ENTPD1: variants seen among roughly 807,000 people sequenced by gnomAD.
ENTPD1 encodes the protein ectonucleoside triphosphate diphosphohydrolase 1, also known as ATP diphosphohydrolase.
In ENTPD1, 33 loss-of-function variants were observed where a neutral mutation model predicts 57.0. The ratio of observed to expected loss-of-function variants is 0.58; its 90% confidence interval spans 0.44 to 0.77. The LOEUF is 0.77. Ranked by LOEUF, ENTPD1 falls within the 30% of genes least tolerant of loss-of-function variation. The pLI, the probability that ENTPD1 is intolerant of heterozygous loss-of-function variation, is 0.00. For synonymous variants in ENTPD1, 202 were observed against 218.8 expected (o/e 0.92, Z 0.68); for missense variants, 501 against 603.4 (o/e 0.83, Z 1.78).
At chr10:95,721,569 G>A (rs1039886772) in intron 1 of ENTPD1, among the ~76,000 whole-genome samples, 1 of 151,984 alleles carries the variant, frequency 6.6e-6, no homozygotes, top group Admixed American at 6.6e-5. Context: ...ATTTACCTAG[G>A]TCTATTTTAA....
rs988756104 is a variant in ENTPD1 at position 95,871,502 on chromosome 10, C to T, written c.*5119C>T. The T allele has an allele frequency of 7.0e-5, 69 of 985,204 alleles. 1 individual carries two copies. Among genetic ancestry groups the T allele is most frequent in the Non-Finnish European group, 7.8e-5 (65 of 829,904 alleles). The allele number at this position is 985,204 out of a possible 1,614,324, so 61.0% of individuals were successfully genotyped here. A position where few individuals can be genotyped will look rare whatever the true frequency, so the allele number is the denominator to read the frequency against. ...TTAGGACAATGTATAGCTAATTACCCAACTTTTTATTTGCATACAAATCTA... is the reference window on the plus strand; with the variant it reads ...TTAGGACAATGTATAGCTAATTACCTAACTTTTTATTTGCATACAAATCTA... On this transcript the variant is annotated 3_prime_UTR_variant, in exon 10 of 10. Transcript: ENST00000371205.
chr10:95,827,479 T>G (rs1461034009), intron 2 of ENTPD1, among the ~76,000 whole-genome samples: 1 of 151,644 alleles, frequency 6.6e-6, no homozygotes, highest in African/African-American at 2.4e-5. Context: ...TTCGTTTTTG[T>G]TTTGTTTTGT....
chr10:95,829,424 G>A (rs1364497110), intron 2 of ENTPD1, among the ~76,000 whole-genome samples: 3 of 152,244 alleles, frequency 2.0e-5, no homozygotes, highest in African/African-American at 7.2e-5. Flanking sequence ...ACGTGTGTCA[G>A]AGGGGTCATG....
chr10:95,726,866 A>G (rs2097984190), intron 1 of ENTPD1, among the ~76,000 whole-genome samples: 1 of 152,130 alleles, frequency 6.6e-6, no homozygotes, highest in Admixed American at 6.5e-5. Context: ...TGCCCACCAG[A>G]AGTGATGCTT....
intron 1 of ENTPD1, among the ~76,000 whole-genome samples, chr10:95,820,402 G>C (rs548811700): frequency 6.6e-6 from 1 of 152,076 alleles, no homozygotes; most frequent in Non-Finnish European, 1.5e-5. Flanking sequence ...CATATATTCT[G>C]GTAACCTGGA....
At position 95,844,887 on chromosome 10, in the gene ENTPD1, A is replaced by G. The variant is rs1405236421; in HGVS notation, c.573+252A>G. ...TAGGGAGGCATAAAGGAAATTAAAA[A>G]TTTATCATTAAAAATTAGAATAGCT... On this transcript the variant is annotated intron_variant, in intron 5 of 9. Transcript: ENST00000371205. The G allele has an allele frequency of 5.3e-6, 3 of 563,394 alleles. No homozygotes were observed. In the African/African-American group the frequency reaches 5.7e-5, roughly 11 times the overall value. 34.9% of individuals were successfully genotyped at this position (563,394 alleles called of 1,614,324 possible). A position where few individuals can be genotyped will look rare whatever the true frequency, so the allele number is the denominator to read the frequency against.
At position 95,869,503 on chromosome 10, in the gene ENTPD1, G is replaced by A; in HGVS notation, c.*3120G>A. Reference sequence around the variant, plus strand: ...AATCTCAGGTGATCCTATTGCCTCGGGCTCCCAAAGTGCTGGGATTACAGG... The same window carrying A: ...AATCTCAGGTGATCCTATTGCCTCGAGCTCCCAAAGTGCTGGGATTACAGG... On this transcript the variant is annotated 3_prime_UTR_variant, in exon 10 of 10. Transcript: ENST00000371205. 1 of 964,030 alleles carries A rather than the reference G, an allele frequency of 1.0e-6. No individual in the cohort carries two copies. Among genetic ancestry groups the A allele is most frequent in the Non-Finnish European group, 1.2e-6 (1 of 810,902 alleles). The allele number at this position is 964,030 out of a possible 1,614,324, so 59.7% of individuals were successfully genotyped here. A position where few individuals can be genotyped will look rare whatever the true frequency, so the allele number is the denominator to read the frequency against.
chr10:95,868,450 G>C lies in ENTPD1; in HGVS notation c.*2067G>C. 5.1e-6 allele frequency: 5 copies of C among 985,362 alleles called. No homozygotes were observed. The highest frequency in any genetic ancestry group is 6.0e-6 in the Non-Finnish European group (5 of 829,942). The allele number at this position is 985,362 out of a possible 1,614,324, so 61.0% of individuals were successfully genotyped here. ...CTAATCAGTGGTTCCCATACCCCTG[G>C]CTTCCTAATTTTAATGTTTGCTCAC... On this transcript the variant is annotated 3_prime_UTR_variant, in exon 10 of 10. Coordinates refer to ENST00000371205, the MANE Select transcript of ENTPD1 (RefSeq NM_001776.6).
In ENTPD1 at chr10:95,711,992, GGGT is replaced by G. The variant is rs1247192487; in HGVS notation, c.37_37+2del. The G allele has an allele frequency of 2.5e-6, 4 of 1,613,728 alleles. No homozygotes were observed. In the African/African-American group the frequency reaches 5.3e-5, roughly 22 times the overall value. ...CCAAGGACCTGACAAGCCAGCAGAAGGGTAAGAAATTCTTACCAGTCAGGCTCC... is the reference window on the plus strand; with the variant it reads ...CCAAGGACCTGACAAGCCAGCAGAAGAAGAAATTCTTACCAGTCAGGCTCC... On this transcript the variant is annotated splice_donor_variant and coding_sequence_variant, in exon 1 of 10. Transcript: ENST00000453258. LOFTEE classifies it high-confidence loss of function.
upstream of ENTPD1, among the ~76,000 whole-genome samples, chr10:95,750,751 G>A (rs1197132160): frequency 5.3e-5 from 8 of 152,298 alleles, no homozygotes; most frequent in East Asian, 1.9e-4. Context: ...GTGGCCAGGC[G>A]CGGTGGCTCA....
At chr10:95,865,008 T>G in intron 9 of ENTPD1, 147 bp downstream of exon 9, 1 of 1,010,992 alleles carries the variant, frequency 9.9e-7, no homozygotes, top group Non-Finnish European at 1.4e-6. Flanking sequence ...ACCCTGGCAT[T>G]CTGTGTCAAG....
At chr10:95,805,963 T>C (rs140961923) in intron 1 of ENTPD1, among the ~76,000 whole-genome samples, 1 of 152,302 alleles carries the variant, frequency 6.6e-6, no homozygotes, top group Non-Finnish European at 1.5e-5. Flanking sequence ...CTGACAATTA[T>C]GTATCTTGGG....
chr10:95,869,701 A>C lies in ENTPD1; in HGVS notation c.*3318A>C, dbSNP rs2098478404. The C allele has an allele frequency of 3.1e-6, 3 of 953,210 alleles. No homozygotes were observed. Among genetic ancestry groups the C allele is most frequent in the Non-Finnish European group, 3.7e-6 (3 of 800,712 alleles). 59.0% of individuals were successfully genotyped at this position (953,210 alleles called of 1,614,324 possible). ...ATTTTTTAAAATTACACTTCATTTT[A>C]ATGTTGTATCAGTCAAGGTCCCTGC... On this transcript the variant is annotated 3_prime_UTR_variant, in exon 10 of 10. Coordinates refer to ENST00000371205, the MANE Select transcript of ENTPD1 (RefSeq NM_001776.6).
rs768199875 is a variant in ENTPD1 at position 95,839,752 on chromosome 10, C to G, written c.206C>G (p.Ala69Gly). The G allele has an allele frequency of 6.2e-7, 1 of 1,613,908 alleles. No individual in the cohort carries two copies. The highest frequency in any genetic ancestry group is 1.7e-5 in the Admixed American group (1 of 59,994). Residue 69 changes from alanine to glycine, a missense_variant, in exon 3 of 10, where the codon GCA becomes GGA. Transcript: ENST00000371205. ...AGTTTATACATCTATAAGTGGCCAGCAGAAAAGGAGAATGACACAGGCGTG... is the reference window on the plus strand; with the variant it reads ...AGTTTATACATCTATAAGTGGCCAGGAGAAAAGGAGAATGACACAGGCGTG... ...HTSLYIYKWP[A>G]EKENDTGVVH... is the part of the protein sequence containing the mutation.
At chr10:95,849,684 C>T (rs2098441559) in intron 7 of ENTPD1, among the ~76,000 whole-genome samples, 1 of 152,216 alleles carries the variant, frequency 6.6e-6, no homozygotes, top group Non-Finnish European at 1.5e-5. Flanking sequence ...CCTCAAGGTT[C>T]CTGAGGGAAA....
intron 7 of ENTPD1, among the ~76,000 whole-genome samples, chr10:95,848,077 C>T (rs531970980): frequency 1.7e-4 from 26 of 152,296 alleles, no homozygotes; most frequent in African/African-American, 5.8e-4. Context: ...GGAAAACTGA[C>T]TAGGGGGTTG....
chr10:95,862,537 T>C (rs1362895505), intron 8 of ENTPD1, among the ~76,000 whole-genome samples: 1 of 152,182 alleles, frequency 6.6e-6, no homozygotes, highest in Non-Finnish European at 1.5e-5. Flanking sequence ...TTCCCCTGCT[T>C]TGGCAAGGGA....
At chr10:95,756,872 T>C (rs2098028283) in intron 1 of ENTPD1, among the ~76,000 whole-genome samples, 2 of 152,012 alleles carry the variant, frequency 1.3e-5, no homozygotes, top group Non-Finnish European at 2.9e-5. Context: ...AGGGAGGAAA[T>C]AGAATAATTC....
chr10:95,724,987 G>C (rs945229217), intron 1 of ENTPD1, among the ~76,000 whole-genome samples: 1 of 152,182 alleles, frequency 6.6e-6, no homozygotes, highest in East Asian at 1.9e-4. Context: ...CATGTGTGTT[G>C]GGACACTTGA....
Sources: gnomAD v4.1 joint callset for allele counts (sites outside exome capture counted in the v4.1 genomes callset) on GRCh38, gnomAD v4.1.1 for gene constraint, MANE v1.5 for transcripts, NCBI Gene and HGNC (gene_info 2026-07-23, HGNC 2026-07-21) for gene names.